GALC: variants seen among roughly 807,000 people sequenced by gnomAD.
GALC encodes the protein galactosylceramidase.
A neutral mutation model predicts 91.8 loss-of-function variants in GALC; 77 were observed. The observed-to-expected ratio is 0.84, with a 90% CI of 0.70 to 1.01. The LOEUF is 1.01. GALC is among the 50% of genes least tolerant of loss of function. The probability of loss-of-function intolerance (pLI) is 0.00; values close to 1 mark genes in which losing one functional copy is unlikely to be tolerated. For missense variants in GALC, 882 were observed against 855.9 expected, an observed-to-expected ratio of 1.03 and a Z score of -0.38; for synonymous variants, 357 against 306.7, an observed-to-expected ratio of 1.16 and a Z score of -1.71.
chr14:87,993,449 C>A, upstream of GALC: 3 of 1,535,862 alleles, frequency 2.0e-6, no homozygotes, highest in South Asian at 1.2e-5. Flanking sequence ...TTCCAAGGTC[C>A]GCCAAAGGAA....
rs760852927 is a variant in GALC, at chr14:87,988,217, G to A, written c.265-10C>T. On this transcript the variant is annotated splice_polypyrimidine_tract_variant and intron_variant, in intron 2 of 16. Transcript: ENST00000261304. Reference sequence around the variant, plus strand: ...AGGCACCAAAATTCGGCTGTGAAAAGAAGTAACAGTATTAACATAGTGTTG... The same window carrying A: ...AGGCACCAAAATTCGGCTGTGAAAAAAAGTAACAGTATTAACATAGTGTTG... 4 of 1,610,812 alleles carry A rather than the reference G, an allele frequency of 2.5e-6. No homozygotes were observed. In the African/African-American group the frequency reaches 4.0e-5, roughly 16 times the overall value.
chr14:87,953,178 GA>G, intron 10 of GALC: 1 of 1,475,110 alleles, frequency 6.8e-7, no homozygotes, highest in Non-Finnish European at 9.4e-7. Flanking sequence ...CAGCAGTTAG[GA>G]AGGTCTCAGA....
chr14:87,949,944 G>A lies in GALC; in HGVS notation c.1252-13C>T, dbSNP rs1282514890. ...CTGGTATTTCACTCTGTAAAGAAAAGACAAAAAAGCATGGCTGAGTAATTC... is the reference window on the plus strand; with the variant it reads ...CTGGTATTTCACTCTGTAAAGAAAAAACAAAAAAGCATGGCTGAGTAATTC... On this transcript the variant is annotated splice_polypyrimidine_tract_variant and intron_variant, in intron 11 of 16. Coordinates refer to ENST00000261304, the MANE Select transcript of GALC (RefSeq NM_000153.4). 1 of 1,393,136 alleles carries A rather than the reference G, an allele frequency of 7.2e-7. No homozygotes were observed. Among genetic ancestry groups the A allele is most frequent in the Non-Finnish European group, 1.0e-6 (1 of 980,176 alleles). 86.3% of individuals were successfully genotyped at this position (1,393,136 alleles called of 1,614,324 possible).
Position 87,935,681 on chromosome 14 carries a change from T to C in GALC, c.1912-803A>G, listed in dbSNP as rs142782024. On this transcript the variant is annotated intron_variant, in intron 16 of 16. Transcript: ENST00000261304. ...GAGCACATATTCACAGCATACTAAC[T>C]ACAGTCAATCATATAAAACTAGCTA... Among the ~76,000 whole-genome samples the C allele has an allele frequency of 1.8e-3, 280 of 152,166 alleles. 2 individuals are homozygous for C. The highest frequency in any genetic ancestry group is 7.2e-3 in the South Asian group (35 of 4,828).
At chr14:87,934,903 T>C (rs773831789) in intron 16 of GALC, 25 bp from the exon 17 acceptor site, 3 of 1,543,074 alleles carry the variant, frequency 1.9e-6, no homozygotes, top group East Asian at 2.2e-5. Context: ...AACACATTCC[T>C]TGAAACCATA....
chr14:87,961,063 T>C (rs533942154), intron 10 of GALC, among the ~76,000 whole-genome samples: 2 of 152,314 alleles, frequency 1.3e-5, no homozygotes, highest in Middle Eastern at 3.4e-3. Flanking sequence ...CTGCAAATTA[T>C]ATTTCTGATA....
At chr14:87,946,317 C>T (rs1017413639) in intron 13 of GALC, among the ~76,000 whole-genome samples, 1 of 151,890 alleles carries the variant, frequency 6.6e-6, no homozygotes, top group African/African-American at 2.4e-5. Flanking sequence ...AGTTTTGGGC[C>T]TAAGTTATCA....
chr14:87,984,133 T>TAG (rs1369812601), intron 5 of GALC, among the ~76,000 whole-genome samples: 1 of 33,542 alleles, frequency 3.0e-5, no homozygotes, highest in African/African-American at 1.6e-4. Context: ...GTTGGGTTGA[T>TAG]ACAAAAAAAA....
At chr14:87,935,879 A>G (rs1884547620) in intron 16 of GALC, among the ~76,000 whole-genome samples, 1 of 152,042 alleles carries the variant, frequency 6.6e-6, no homozygotes, top group Non-Finnish European at 1.5e-5. Flanking sequence ...TTTTCACTCC[A>G]AGTTACCTAG....
intron 6 of GALC, among the ~76,000 whole-genome samples, chr14:87,979,076 T>C (rs1886634097): frequency 6.6e-6 from 1 of 152,128 alleles, no homozygotes; most frequent in Non-Finnish European, 1.5e-5. Context: ...AGTCTCGCTC[T>C]TTTTGCCCAG....
rs115674427 is a variant in GALC at position 87,939,712 on chromosome 14, C to T, written c.1911+193G>A. 2.5e-3 allele frequency among the ~76,000 whole-genome samples: 377 copies of T among 151,936 alleles called. 1 individual carries two copies. The highest frequency in any genetic ancestry group is 8.6e-3 in the African/African-American group (357 of 41,500). ...AATAGTGACCTGATAAAGTCAACTG[C>T]TGATGGTTCTCACATAGGTTACCCT... On this transcript the variant is annotated intron_variant, in intron 16 of 16. Transcript: ENST00000261304.
chr14:87,967,384 T>C (rs1489938802), intron 8 of GALC, among the ~76,000 whole-genome samples: 1 of 152,176 alleles, frequency 6.6e-6, no homozygotes, highest in Admixed American at 6.6e-5. Flanking sequence ...TGAAGATGCC[T>C]TACCTTTAAG....
At chr14:87,953,802 A>G (rs1885407099) in intron 10 of GALC, 3 of 1,606,726 alleles carry the variant, frequency 1.9e-6, no homozygotes, top group African/African-American at 2.7e-5. Flanking sequence ...CTGTGATTCT[A>G]AAAGCCAGAA....
Position 87,933,785 on chromosome 14 carries a change from A to T in GALC, c.*947T>A. On this transcript the variant is annotated 3_prime_UTR_variant, in exon 17 of 17. Coordinates refer to ENST00000261304, the MANE Select transcript of GALC (RefSeq NM_000153.4). ...ATATAAACATATTTGGACTTTAAAAAGTAAGTACATCTTAGGAGATGATCC... is the reference window on the plus strand; with the variant it reads ...ATATAAACATATTTGGACTTTAAAATGTAAGTACATCTTAGGAGATGATCC... 1.9e-6 allele frequency: 1 copy of T among 513,204 alleles called. No individual in the cohort carries two copies. The highest frequency in any genetic ancestry group is 3.5e-6 in the Non-Finnish European group (1 of 289,652). 31.8% of individuals were successfully genotyped at this position (513,204 alleles called of 1,614,324 possible). A position where few individuals can be genotyped will look rare whatever the true frequency, so the allele number is the denominator to read the frequency against.
chr14:87,979,084 C>T (rs996502601), intron 6 of GALC, among the ~76,000 whole-genome samples: 1 of 151,808 alleles, frequency 6.6e-6, no homozygotes. Context: ...TCTTTTTGCC[C>T]AGGCTGGAGT....
In GALC at chr14:87,950,798, T is replaced by C. The variant is rs781400623; in HGVS notation, c.1162-50A>G. On this transcript the variant is annotated intron_variant, in intron 10 of 16. Transcript: ENST00000261304. The stretch of plus-strand genomic sequence containing the variant: ...TATCCAAATGATGTATAAGCTACCT[T>C]AGGGGAAAAAAAGTTCAACAGTTAA... 617 of 1,293,054 alleles carry C rather than the reference T, an allele frequency of 4.8e-4. 5 individuals are homozygous for C. The highest frequency in any genetic ancestry group is 2.8e-4 in the South Asian group (23 of 80,790). The allele number at this position is 1,293,054 out of a possible 1,614,324, so 80.1% of individuals were successfully genotyped here.
intron 10 of GALC, among the ~76,000 whole-genome samples, chr14:87,955,842 G>T (rs768027807): frequency 6.6e-6 from 1 of 151,926 alleles, no homozygotes; most frequent in Non-Finnish European, 1.5e-5. Flanking sequence ...TGTGATTGTA[G>T]AAGAAGCTCA....
Position 87,965,604 on chromosome 14 carries a change from T to C in GALC, c.934A>G (p.Ser312Gly). The C allele has an allele frequency of 6.2e-7, 1 of 1,613,424 alleles. No individual in the cohort carries two copies. The highest frequency in any genetic ancestry group is 8.5e-7 in the Non-Finnish European group (1 of 1,179,564). Residue 312 changes from serine (S) to glycine (G), a missense_variant, in exon 9 of 17, where the codon AGT (serine) becomes GGT (glycine). Physicochemically the swap from Ser to Gly is moderately conservative, Grantham distance 56. Coordinates refer to ENST00000261304, the MANE Select transcript of GALC (RefSeq NM_000153.4). ...TSTIAWNLVA[S>G]YYEQLPYGRC... is the part of the protein sequence containing the mutation. ...CCATAAGGCAACTGTTCATAGTAAC[T>C]AGCCACTAAATTCCATGCGATTGTG...
rs433738 is a variant in GALC, at chr14:87,961,849, T to C, written c.1161+1535A>G. Reference sequence around the variant, plus strand: ...CTGGATCTCTGCCTGAAGTACCCGATCGAGAGAAGACAATTAAACAAACAA... The same window carrying C: ...CTGGATCTCTGCCTGAAGTACCCGACCGAGAGAAGACAATTAAACAAACAA... On this transcript the variant is annotated intron_variant, in intron 10 of 16. Transcript: ENST00000261304. 5.0e-3 allele frequency among the ~76,000 whole-genome samples: 755 copies of C among 152,226 alleles called. 2 individuals carry two copies. The Middle Eastern group carries it at 0.051, about 10-fold the overall frequency.
Sources: gnomAD v4.1 joint callset for allele counts (sites outside exome capture counted in the v4.1 genomes callset) on GRCh38, gnomAD v4.1.1 for gene constraint, MANE v1.5 for transcripts, NCBI Gene and HGNC (gene_info 2026-07-23, HGNC 2026-07-21) for gene names.